HERC3: variants seen among roughly 807,000 people sequenced by gnomAD.
HERC3 encodes probable E3 ubiquitin-protein ligase HERC3.
HERC3 carries 58 observed loss-of-function variants against 129.9 expected under a neutral mutation model. That is an observed-to-expected ratio of 0.45 (90% CI 0.36 to 0.56). The LOEUF is 0.56. Among genes scored for constraint, HERC3 ranks in the 20% least tolerant of loss-of-function variants. HERC3 has a pLI of 0.00. For synonymous variants in HERC3, 430 were observed against 451.0 expected (o/e 0.95, Z 0.59); for missense variants, 835 against 1,244.2 (o/e 0.67, Z 4.95).
intron 23 of HERC3, among the ~76,000 whole-genome samples, chr4:88,688,246 A>G (rs1317165818): frequency 2.0e-5 from 3 of 152,218 alleles, no homozygotes; most frequent in Non-Finnish European, 4.4e-5. Context: ...AATGTTGGGT[A>G]CTTGTGGAGT....
chr4:88,553,979 T>C, the HERC3 span, among the ~76,000 whole-genome samples: 1 of 152,174 alleles, frequency 6.6e-6, no homozygotes, highest in African/African-American at 2.4e-5. Context: ...AATGGCAATG[T>C]GGTGCTTAAT....
At chr4:88,528,123 A>AC in the HERC3 span, 1 of 239,738 alleles carries the variant, frequency 4.2e-6, no homozygotes, top group African/African-American at 2.3e-5. Flanking sequence ...CTTTGCACTG[A>AC]CCCCAAACAG....
chr4:88,559,749 G>T, the HERC3 span, among the ~76,000 whole-genome samples: 1 of 152,086 alleles, frequency 6.6e-6, no homozygotes, highest in Non-Finnish European at 1.5e-5. Context: ...AATGAACATG[G>T]GAGTGCAGAT....
chr4:88,667,867 CT>C (rs1412793602), intron 13 of HERC3, 24 bp from the exon 14 acceptor site: 1 of 1,546,164 alleles, frequency 6.5e-7, no homozygotes, highest in Non-Finnish European at 8.9e-7. Context: ...GTTTGAATTT[CT>C]CATTACTCTT....
intron 21 of HERC3, among the ~76,000 whole-genome samples, chr4:88,686,230 T>C (rs1483788385): frequency 6.6e-6 from 1 of 152,166 alleles, no homozygotes. Context: ...AGCCAAAAGA[T>C]TGGGCACCCC....
chr4:88,652,119 A>G (rs10015739), intron 5 of HERC3, 31 bp downstream of exon 5: 46,760 of 1,452,518 alleles, frequency 0.032, 996 homozygotes, highest in Middle Eastern at 0.1. Flanking sequence ...TGCTAATGCT[A>G]TGTTAATTTT....
At chr4:88,610,453 CAAA>C (rs10616395) in intron 3 of HERC3, among the ~76,000 whole-genome samples, 1,407 of 122,472 alleles carry the variant, frequency 0.011, 25 homozygotes, top group African/African-American at 0.042. Flanking sequence ...GACTCCGTCT[CAAA>C]AAAAAAAAAA....
rs758531095 is a variant in HERC3, at chr4:88,605,884, A to G, written c.61A>G (p.Ile21Val). 6 of 1,614,052 alleles carry G rather than the reference A, an allele frequency of 3.7e-6. No homozygotes were observed. Among genetic ancestry groups the G allele is most frequent in the South Asian group, 1.1e-5 (1 of 91,084 alleles). ...QPGISTNLQG[I>V]VAEPQVCGFI... Reference sequence around the variant, plus strand: ...TGGTATCAGCACCAACCTGCAGGGAATTGTGGCTGAGCCCCAGGTGTGTGG... The same window carrying G: ...TGGTATCAGCACCAACCTGCAGGGAGTTGTGGCTGAGCCCCAGGTGTGTGG... The change falls in exon 3 of 26, where the codon ATT (isoleucine) becomes GTT (valine). Residue 21 changes from isoleucine (I) to valine (V), a missense_variant. Transcript: ENST00000402738.
intron 2 of HERC3, among the ~76,000 whole-genome samples, chr4:88,596,006 C>T (rs62308696): frequency 4.6e-5 from 7 of 151,946 alleles, no homozygotes; most frequent in Non-Finnish European, 8.8e-5. Context: ...CCCACCACCT[C>T]GCCCAGCTAA....
At chr4:88,553,018 A>T in the HERC3 span, among the ~76,000 whole-genome samples, 2 of 152,212 alleles carry the variant, frequency 1.3e-5, no homozygotes, top group Admixed American at 1.3e-4. Context: ...ATTTGACCAA[A>T]TGAATTTTTC....
At chr4:88,531,889 G>A in the HERC3 span, among the ~76,000 whole-genome samples, 1 of 152,176 alleles carries the variant, frequency 6.6e-6, no homozygotes, top group Non-Finnish European at 1.5e-5. Context: ...CACAGCAGTG[G>A]TTGCAGTAAC....
chr4:88,562,443 T>G, the HERC3 span, among the ~76,000 whole-genome samples: 65 of 152,278 alleles, frequency 4.3e-4, no homozygotes, highest in Non-Finnish European at 3.1e-4. Context: ...TATTTTCTCC[T>G]ATTCTTTGAG....
At chr4:88,554,345 CAAAAAAAA>C in the HERC3 span, among the ~76,000 whole-genome samples, 6 of 59,832 alleles carry the variant, frequency 1.0e-4, no homozygotes, top group Non-Finnish European at 1.8e-4. Context: ...ACTCCATCTC[CAAAAAAAA>C]AAAAAAAAAA....
chr4:88,566,975 A>G, the HERC3 span, among the ~76,000 whole-genome samples: 35 of 151,656 alleles, frequency 2.3e-4, no homozygotes, highest in Non-Finnish European at 4.4e-4. Context: ...TTTTTTGTGG[A>G]GTTGGGTTTC....
the HERC3 span, chr4:88,527,865 G>A: frequency 6.6e-6 from 2 of 301,528 alleles, no homozygotes; most frequent in Non-Finnish European, 1.3e-5. Flanking sequence ...AGGGCCTGAC[G>A]GACAGCATCT....
chr4:88,697,342 T>C (rs1560777991), intron 23 of HERC3: 1 of 1,613,808 alleles, frequency 6.2e-7, no homozygotes, highest in African/African-American at 1.3e-5. Context: ...TTCCTCCTCC[T>C]CCTCCCCCTC....
At position 88,670,134 on chromosome 4, in the gene HERC3, AT is replaced by A; in HGVS notation, c.1798-3del. On this transcript the variant is annotated splice_polypyrimidine_tract_variant and splice_region_variant and intron_variant, in intron 15 of 25. Transcript: ENST00000402738. The stretch of plus-strand genomic sequence containing the variant: ...TTCAGTTGTCTGTATTTTGTTCTTC[AT>A]TAGGTAAATCTTAAAGTGAAGCATG... The A allele has an allele frequency of 6.2e-7, 1 of 1,609,186 alleles. No homozygotes were observed. The highest frequency in any genetic ancestry group is 8.5e-7 in the Non-Finnish European group (1 of 1,175,726).
chr4:88,558,931 G>A, the HERC3 span, among the ~76,000 whole-genome samples: 3 of 148,464 alleles, frequency 2.0e-5, no homozygotes, highest in Admixed American at 2.0e-4. Context: ...TCATGCCACT[G>A]CGCTCCAGCC....
At chr4:88,694,429 G>A (rs762466774) in intron 23 of HERC3, among the ~76,000 whole-genome samples, 17 of 152,176 alleles carry the variant, frequency 1.1e-4, no homozygotes, top group Admixed American at 3.3e-4. Context: ...AATGTAGAGT[G>A]TGTCTTTAAC....
Sources: allele counts gnomAD v4.1 joint callset (sites outside exome capture counted in the v4.1 genomes callset), GRCh38; gene constraint gnomAD v4.1.1; transcripts MANE v1.5; gene names NCBI Gene and HGNC (gene_info 2026-07-23, HGNC 2026-07-21).